SPOCK3: variants seen among roughly 807,000 people sequenced by gnomAD.
SPOCK3 encodes the protein testican-3.
Under a neutral mutation model 56.6 loss-of-function variants are expected in SPOCK3, and 30 were observed. The observed-to-expected ratio is 0.53, with a 90% CI of 0.40 to 0.72. SPOCK3 has a LOEUF of 0.72. Among genes scored for constraint, SPOCK3 ranks in the 30% least tolerant of loss-of-function variants. SPOCK3 has a pLI of 0.00. For missense variants in SPOCK3, 527 were observed against 530.0 expected, an observed-to-expected ratio of 0.99 and a Z score of 0.06; for synonymous variants, 196 against 183.3, an observed-to-expected ratio of 1.07 and a Z score of -0.56.
At chr4:166,907,693 A>G (rs987658511) in intron 5 of SPOCK3, among the ~76,000 whole-genome samples, 51 of 152,222 alleles carry the variant, frequency 3.4e-4, no homozygotes, top group African/African-American at 1.2e-3. Flanking sequence ...CTCGCAGAAT[A>G]TGATTTCATA....
intron 2 of SPOCK3, among the ~76,000 whole-genome samples, chr4:167,082,844 G>A (rs937714693): frequency 6.7e-6 from 1 of 150,172 alleles, no homozygotes; most frequent in African/African-American, 2.5e-5. Flanking sequence ...GGGAAGGAAG[G>A]GAAGAGGGAG....
chr4:167,106,473 G>A (rs1411540001), intron 2 of SPOCK3, among the ~76,000 whole-genome samples: 2 of 151,660 alleles, frequency 1.3e-5, no homozygotes, highest in African/African-American at 2.4e-5. Context: ...AAATCTATGG[G>A]ATATAGCAAA....
chr4:166,875,607 T>G (rs1732990691), intron 6 of SPOCK3, among the ~76,000 whole-genome samples: 1 of 152,146 alleles, frequency 6.6e-6, no homozygotes, highest in African/African-American at 2.4e-5. Context: ...TATTAAGGCA[T>G]ATAGCTGTAG....
intron 6 of SPOCK3, among the ~76,000 whole-genome samples, chr4:166,818,914 T>C (rs1039343459): frequency 6.6e-6 from 1 of 152,030 alleles, no homozygotes; most frequent in South Asian, 2.1e-4. Context: ...CACAAGATAT[T>C]TTTAAAGTCT....
chr4:167,065,037 C>CAATAAAAAAAAAAAAAAAAAAAAAA (rs1755977520), intron 2 of SPOCK3, among the ~76,000 whole-genome samples: 1 of 64,050 alleles, frequency 1.6e-5, no homozygotes, highest in Non-Finnish European at 2.7e-5. Context: ...ATGCCCTCTC[C>CAATAAAAAAAAAAAAAAAAAAAAAA]AAAAAAAAAA....
chr4:167,113,667 C>T (rs1761097171), intron 2 of SPOCK3, among the ~76,000 whole-genome samples: 1 of 151,978 alleles, frequency 6.6e-6, no homozygotes, highest in Non-Finnish European at 1.5e-5. Context: ...TTTCAAGCAA[C>T]AGCAGTAAAC....
chr4:167,110,887 A>T (rs970159921), intron 2 of SPOCK3, among the ~76,000 whole-genome samples: 3 of 151,990 alleles, frequency 2.0e-5, no homozygotes, highest in Non-Finnish European at 2.9e-5. Flanking sequence ...ATAATTTATT[A>T]TACTGGTTGA....
intron 4 of SPOCK3, among the ~76,000 whole-genome samples, chr4:166,980,841 G>A (rs530769833): frequency 6.0e-4 from 91 of 152,306 alleles, no homozygotes; most frequent in African/African-American, 2.0e-3. Context: ...AGCCCTGCTT[G>A]GGAGGCCCCT....
intron 8 of SPOCK3, among the ~76,000 whole-genome samples, chr4:166,743,590 C>A (rs1426235809): frequency 6.6e-6 from 1 of 152,158 alleles, no homozygotes; most frequent in East Asian, 1.9e-4. Context: ...GTACTGGGTT[C>A]ATCTCATTGG....
intron 6 of SPOCK3, among the ~76,000 whole-genome samples, chr4:166,829,587 G>C (rs936967380): frequency 6.6e-6 from 1 of 151,882 alleles, no homozygotes; most frequent in Non-Finnish European, 1.5e-5. Context: ...CTTACTAATC[G>C]TCTCAATACA....
At chr4:166,842,857 C>T (rs1747602112) in intron 6 of SPOCK3, among the ~76,000 whole-genome samples, 1 of 152,238 alleles carries the variant, frequency 6.6e-6, no homozygotes, top group African/African-American at 2.4e-5. Flanking sequence ...AGCCTTTGGG[C>T]AGTAGATGGA....
intron 3 of SPOCK3, among the ~76,000 whole-genome samples, chr4:167,033,919 CTT>C (rs968918326): frequency 5.1e-4 from 77 of 152,020 alleles, no homozygotes; most frequent in Admixed American, 9.2e-4. Context: ...CATAAGCTGT[CTT>C]ATGTCATTAA....
intron 2 of SPOCK3, among the ~76,000 whole-genome samples, chr4:167,191,989 A>G (rs1561307445): frequency 6.9e-6 from 1 of 145,454 alleles, no homozygotes; most frequent in Non-Finnish European, 1.5e-5. Context: ...TTTATCATAA[A>G]AGTATATTGA....
At chr4:166,944,586 A>G (rs546245440) in intron 4 of SPOCK3, among the ~76,000 whole-genome samples, 5 of 152,174 alleles carry the variant, frequency 3.3e-5, no homozygotes, top group African/African-American at 7.2e-5. Flanking sequence ...TCCTTTAAAC[A>G]TTATAGATCA....
At chr4:166,996,438 C>G (rs1270402568) in intron 4 of SPOCK3, among the ~76,000 whole-genome samples, 1 of 152,126 alleles carries the variant, frequency 6.6e-6, no homozygotes, top group Admixed American at 6.6e-5. Context: ...AACAATCACC[C>G]TCAGCTGTCA....
At chr4:167,098,039 T>G (rs1759311546) in intron 2 of SPOCK3, among the ~76,000 whole-genome samples, 1 of 151,994 alleles carries the variant, frequency 6.6e-6, no homozygotes, top group Admixed American at 6.6e-5. Flanking sequence ...GTGGTATAGC[T>G]TCCTTCCTAA....
At chr4:167,196,894 T>C (rs1188379399) in intron 2 of SPOCK3, among the ~76,000 whole-genome samples, 1 of 152,198 alleles carries the variant, frequency 6.6e-6, no homozygotes, top group Non-Finnish European at 1.5e-5. Context: ...GAATTTTATA[T>C]ACTATGGCAT....
At chr4:166,981,833 C>G (rs1467886596) in intron 4 of SPOCK3, among the ~76,000 whole-genome samples, 2 of 152,188 alleles carry the variant, frequency 1.3e-5, no homozygotes, top group African/African-American at 4.8e-5. Context: ...CACCCCTGGC[C>G]TCTGTCCCAT....
intron 2 of SPOCK3, among the ~76,000 whole-genome samples, chr4:167,112,848 T>TA (rs1554038270): frequency 0.091 from 13,680 of 149,522 alleles, 716 homozygotes; most frequent in South Asian, 0.18. Context: ...TGCTCTTTTT[T>TA]AAAAAAAAAA....
Sources: gnomAD v4.1 joint callset for allele counts (sites outside exome capture counted in the v4.1 genomes callset) on GRCh38, gnomAD v4.1.1 for gene constraint, MANE v1.5 for transcripts, NCBI Gene and HGNC (gene_info 2026-07-23, HGNC 2026-07-21) for gene names.